Variants in PTPRT observed in about 807,000 individuals in gnomAD.
The protein encoded by PTPRT is protein tyrosine phosphatase receptor type T.
In PTPRT, 56 loss-of-function variants were observed where a neutral mutation model predicts 176.8. That is an observed-to-expected ratio of 0.32 (90% confidence interval 0.26 to 0.40). The LOEUF (loss-of-function observed/expected upper bound fraction) is 0.40, where lower values mean the gene tolerates loss of function less well. Ranked by LOEUF, PTPRT falls within the 10% of genes least tolerant of loss-of-function variation. The pLI is 1.00. For synonymous variants in PTPRT, 783 were observed against 739.0 expected, an observed-to-expected ratio of 1.06 and a Z score of -0.96; for missense variants, 1,540 against 1,908.2, an observed-to-expected ratio of 0.81 and a Z score of 3.60.
chr20:43,169,680 T>C (rs1042317688), intron 1 of PTPRT, among the ~76,000 whole-genome samples: 1 of 151,886 alleles, frequency 6.6e-6, no homozygotes, highest in Non-Finnish European at 1.5e-5. Context: ...TGATTTCTTC[T>C]AAAGAACCAC....
intron 1 of PTPRT, among the ~76,000 whole-genome samples, chr20:43,015,881 G>A (rs1985342197): frequency 4.6e-5 from 7 of 151,130 alleles, no homozygotes; most frequent in Admixed American, 4.6e-4. Flanking sequence ...AAGAAAACAG[G>A]CCTGCAGGAT....
chr20:42,741,790 T>C (rs1448925739), intron 6 of PTPRT, among the ~76,000 whole-genome samples: 2 of 152,072 alleles, frequency 1.3e-5, no homozygotes, highest in South Asian at 2.1e-4. Context: ...GTAAGGGCCA[T>C]AGGCACAGGC....
At chr20:42,838,603 C>G (rs2078222261) in intron 2 of PTPRT, among the ~76,000 whole-genome samples, 1 of 152,210 alleles carries the variant, frequency 6.6e-6, no homozygotes, top group East Asian at 1.9e-4. Flanking sequence ...CTTGGGATAT[C>G]TGGGCTGTAA....
At chr20:42,380,691 G>A (rs772179785) in intron 9 of PTPRT, among the ~76,000 whole-genome samples, 9 of 152,178 alleles carry the variant, frequency 5.9e-5, no homozygotes, top group Admixed American at 1.3e-4. Flanking sequence ...TGTCTTGAGC[G>A]TGTTTTTGTT....
chr20:42,695,414 T>A (rs1255070483), intron 6 of PTPRT, among the ~76,000 whole-genome samples: 1 of 152,226 alleles, frequency 6.6e-6, no homozygotes, highest in East Asian at 1.9e-4. Flanking sequence ...TTCTATTTCC[T>A]ACCATAGAGT....
intron 7 of PTPRT, among the ~76,000 whole-genome samples, chr20:42,667,995 T>C (rs764946521): frequency 7.2e-5 from 11 of 152,218 alleles, no homozygotes; most frequent in Non-Finnish European, 1.6e-4. Flanking sequence ...GATAGAATTC[T>C]GGATGTGCCT....
chr20:42,747,574 G>A (rs1440754805), intron 6 of PTPRT, among the ~76,000 whole-genome samples: 1 of 152,146 alleles, frequency 6.6e-6, no homozygotes, highest in African/African-American at 2.4e-5. Context: ...GTAATCAGAG[G>A]GGGCCTCTCT....
chr20:42,685,619 C>T (rs1600605209), intron 6 of PTPRT: 2 of 152,172 alleles, frequency 1.3e-5, no homozygotes, highest in East Asian at 3.9e-4. Context: ...AAAAGTCTCT[C>T]CTTCACTTTG....
chr20:42,956,702 G>A (rs1214956754), intron 1 of PTPRT, among the ~76,000 whole-genome samples: 1 of 152,144 alleles, frequency 6.6e-6, no homozygotes, highest in African/African-American at 2.4e-5. Context: ...AAAGGGCAGA[G>A]GAGACTGTGA....
Position 43,000,055 on chromosome 20 carries a change from AAGGGAAGGAGGG to A in PTPRT, c.89-114135_89-114124del, listed in dbSNP as rs1324664524. ...GAAGGGAAGAATGGAGGAAGGGAAG[AAGGGAAGGAGGG>A]AGGGAGGGAGGGAGGGAGGGAGGGA... On this transcript the variant is annotated intron_variant, in intron 1 of 30. Transcript: ENST00000373187. 2.6e-5 allele frequency among the ~76,000 whole-genome samples: 3 copies of A among 113,690 alleles called. No individual in the cohort carries two copies. In the South Asian group the frequency reaches 1.0e-3, roughly 38 times the overall value. 74.6% of individuals were successfully genotyped at this position (113,690 alleles called of 152,430 possible).
At chr20:42,233,484 C>T (rs1310669489) in intron 15 of PTPRT, among the ~76,000 whole-genome samples, 3 of 151,768 alleles carry the variant, frequency 2.0e-5, no homozygotes, top group South Asian at 2.1e-4. Context: ...CTAGGCTATT[C>T]GGAGGACTTA....
At chr20:42,567,756 T>C (rs1192953947) in intron 7 of PTPRT, among the ~76,000 whole-genome samples, 1 of 152,212 alleles carries the variant, frequency 6.6e-6, no homozygotes, top group Non-Finnish European at 1.5e-5. Context: ...GATTAATCAG[T>C]TGCAAAGTAT....
At chr20:42,875,994 G>A (rs533637834) in intron 2 of PTPRT, among the ~76,000 whole-genome samples, 30 of 152,256 alleles carry the variant, frequency 2.0e-4, no homozygotes, top group African/African-American at 6.0e-4. Context: ...TAGGTAGTAC[G>A]TCTCTATTAC....
chr20:43,093,148 A>C (rs1371940639), intron 1 of PTPRT, among the ~76,000 whole-genome samples: 1 of 152,238 alleles, frequency 6.6e-6, no homozygotes, highest in East Asian at 1.9e-4. Flanking sequence ...ACAAACATTA[A>C]AAGAAAACCT....
At chr20:42,530,507 C>T (rs1601202862) in intron 7 of PTPRT, among the ~76,000 whole-genome samples, 1 of 152,330 alleles carries the variant, frequency 6.6e-6, no homozygotes, top group South Asian at 2.1e-4. Flanking sequence ...AGCCTGAAGA[C>T]ACCGTGGAAG....
chr20:42,235,645 C>T (rs185608975), intron 15 of PTPRT, among the ~76,000 whole-genome samples: 2 of 152,136 alleles, frequency 1.3e-5, no homozygotes, highest in African/African-American at 4.8e-5. Context: ...TAACTCCCAA[C>T]AAAATGCACT....
intron 7 of PTPRT, among the ~76,000 whole-genome samples, chr20:42,523,212 A>T (rs1601187444): frequency 6.6e-6 from 1 of 152,200 alleles, no homozygotes; most frequent in East Asian, 1.9e-4. Context: ...GTTATGTGTG[A>T]CTCTGAAGCC....
At chr20:42,563,617 T>A (rs576061827) in intron 7 of PTPRT, among the ~76,000 whole-genome samples, 8 of 151,996 alleles carry the variant, frequency 5.3e-5, no homozygotes, top group Non-Finnish European at 1.0e-4. Flanking sequence ...AATAGGAAAA[T>A]CATGAAGTAA....
chr20:42,912,826 C>A (rs1978486676), intron 1 of PTPRT, among the ~76,000 whole-genome samples: 1 of 152,328 alleles, frequency 6.6e-6, no homozygotes, highest in African/African-American at 2.4e-5. Flanking sequence ...CTTATAAATA[C>A]ATGGCTCTAT....
Sources: allele counts gnomAD v4.1 joint callset (sites outside exome capture counted in the v4.1 genomes callset), GRCh38; gene constraint gnomAD v4.1.1; transcripts MANE v1.5; gene names NCBI Gene and HGNC (gene_info 2026-07-23, HGNC 2026-07-21).